The following CPD variants were observed in gnomAD, a reference collection of about 807,000 sequenced individuals.
CPD encodes carboxypeptidase D, also known as metallocarboxypeptidase D.
CPD carries 69 observed loss-of-function variants against 138.3 expected under a neutral mutation model. The ratio of observed to expected loss-of-function variants is 0.50; its 90% confidence interval spans 0.41 to 0.61. The LOEUF is 0.61. Among genes scored for constraint, CPD ranks in the 20% least tolerant of loss-of-function variants. The pLI is 0.00. For synonymous variants in CPD, 651 were observed against 642.1 expected (o/e 1.01, Z -0.21); for missense variants, 1,432 against 1,733.3 (o/e 0.83, Z 3.09).
At chr17:30,388,554 G>C (rs560242270) in intron 2 of CPD, among the ~76,000 whole-genome samples, 6 of 152,200 alleles carry the variant, frequency 3.9e-5, no homozygotes, top group Non-Finnish European at 8.8e-5. Context: ...CCCCAATCCC[G>C]GATAGGAGCA....
chr17:30,423,071 C>A (rs1362991555), intron 5 of CPD, 48 bp downstream of exon 5: 2 of 1,373,072 alleles, frequency 1.5e-6, no homozygotes, highest in East Asian at 4.6e-5. Context: ...CCCTCAAAGC[C>A]ATGTTCAATA....
chr17:30,386,556 A>T (rs1371597023), intron 2 of CPD, among the ~76,000 whole-genome samples: 3 of 152,142 alleles, frequency 2.0e-5, no homozygotes, highest in Non-Finnish European at 4.4e-5. Context: ...AAACTTGTTC[A>T]TCATCCCAAA....
chr17:30,451,910 A>T, intron 14 of CPD, 64 bp downstream of exon 14: 1 of 1,482,930 alleles, frequency 6.7e-7, no homozygotes, highest in Non-Finnish European at 9.2e-7. Flanking sequence ...TAGAAGATTG[A>T]TTGATCCTAT....
At chr17:30,413,915 G>C (rs1462656259) in intron 2 of CPD, among the ~76,000 whole-genome samples, 1 of 152,148 alleles carries the variant, frequency 6.6e-6, no homozygotes, top group South Asian at 2.1e-4. Flanking sequence ...GGTTGAGGGA[G>C]TTAGTCAAGT....
chr17:30,429,846 T>G (rs1912516172), intron 7 of CPD, among the ~76,000 whole-genome samples: 1 of 152,158 alleles, frequency 6.6e-6, no homozygotes, highest in African/African-American at 2.4e-5. Flanking sequence ...TACTAAGGTT[T>G]GTTTGTGTCA....
chr17:30,390,810 G>T (rs1911333824), intron 2 of CPD, among the ~76,000 whole-genome samples: 2 of 151,640 alleles, frequency 1.3e-5, no homozygotes, highest in Admixed American at 6.6e-5. Context: ...ACCTACTCTG[G>T]ACTTGTTCAT....
At chr17:30,444,499 A>T (rs1912974328) in intron 11 of CPD, among the ~76,000 whole-genome samples, 1 of 146,622 alleles carries the variant, frequency 6.8e-6, no homozygotes, top group Non-Finnish European at 1.5e-5. Flanking sequence ...AATGCAGTCT[A>T]TTTAACATGC....
At chr17:30,381,167 C>T (rs1213459546) in intron 1 of CPD, among the ~76,000 whole-genome samples, 5 of 151,900 alleles carry the variant, frequency 3.3e-5, no homozygotes, top group Non-Finnish European at 7.4e-5. Context: ...CTTTTAAATA[C>T]GATCGTGTCA....
rs1295579567 is a variant in CPD, at chr17:30,468,914, G to A, written c.*4100G>A. On this transcript the variant is annotated 3_prime_UTR_variant, in exon 21 of 21. Transcript: ENST00000225719. Reference sequence around the variant, plus strand: ...ATGTAGTAGCCACAGTTTTCTGTTTGTAGCTCAGCTAGATTGTTATATATG... The same window carrying A: ...ATGTAGTAGCCACAGTTTTCTGTTTATAGCTCAGCTAGATTGTTATATATG... 1.3e-5 allele frequency: 2 copies of A among 152,140 alleles called. No individual in the cohort carries two copies. The highest frequency in any genetic ancestry group is 2.9e-5 in the Non-Finnish European group (2 of 68,000). 9.4% of individuals were successfully genotyped at this position (152,140 alleles called of 1,614,324 possible). A position where few individuals can be genotyped will look rare whatever the true frequency, so the allele number is the denominator to read the frequency against.
intron 2 of CPD, among the ~76,000 whole-genome samples, chr17:30,408,270 G>C (rs1273861529): frequency 6.6e-6 from 1 of 152,120 alleles, no homozygotes; most frequent in Non-Finnish European, 1.5e-5. Context: ...TTTTTGCTTA[G>C]GATTGTCTTG....
intron 2 of CPD, among the ~76,000 whole-genome samples, chr17:30,404,569 A>G (rs994171062): frequency 1.3e-5 from 2 of 152,106 alleles, no homozygotes; most frequent in African/African-American, 2.4e-5. Context: ...TGAATACTAT[A>G]GCCCTCATCC....
intron 6 of CPD, among the ~76,000 whole-genome samples, chr17:30,426,697 A>C (rs376842761): frequency 6.6e-6 from 1 of 152,220 alleles, no homozygotes; most frequent in Admixed American, 6.5e-5. Flanking sequence ...TTACACATAC[A>C]TGTTAGCCAA....
Position 30,467,386 on chromosome 17 carries a change from T to G in CPD, c.*2572T>G, listed in dbSNP as rs1913672056. 1 of 152,304 alleles carries G rather than the reference T, an allele frequency of 6.6e-6. No individual in the cohort carries two copies. Among genetic ancestry groups the G allele is most frequent in the Admixed American group, 6.5e-5 (1 of 15,272 alleles). 9.4% of individuals were successfully genotyped at this position (152,304 alleles called of 1,614,324 possible). ...CCTGTGTACATGTACTTGTATTGAT[T>G]ATGTAGTTCAGTAAGATGTGCCCAA... On this transcript the variant is annotated 3_prime_UTR_variant, in exon 21 of 21. Transcript: ENST00000225719.
intron 17 of CPD, 154 bp downstream of exon 17, chr17:30,456,680 A>G (rs1244766266): frequency 1.6e-6 from 1 of 607,418 alleles, no homozygotes; most frequent in Non-Finnish European, 2.9e-6. Flanking sequence ...CATTTCTACT[A>G]AAAATATAAA....
chr17:30,449,603 A>G lies in CPD; in HGVS notation c.2924A>G (p.Asn975Ser), dbSNP rs768800865. ...CACATTTGGTCCCTTGAAATCTCCA[A>G]TAAGCCCAATGTATCTGAGCCTGAA... is the stretch of plus-strand genomic sequence containing the variant. The part of the protein sequence containing the change: ...YRHIWSLEIS[N>S]KPNVSEPEEP... Residue 975 changes from asparagine (N) to serine (S), a missense_variant, in exon 13 of 21, where the codon AAT becomes AGT. By Grantham distance (46) the Asn-to-Ser change is conservative. Transcript: ENST00000225719. 17 of 1,605,896 alleles carry G rather than the reference A, an allele frequency of 1.1e-5. No individual in the cohort carries two copies. Among genetic ancestry groups the G allele is most frequent in the South Asian group, 7.9e-5 (7 of 88,940 alleles).
At chr17:30,448,295 C>A (rs1913079104) in intron 12 of CPD, among the ~76,000 whole-genome samples, 1 of 152,062 alleles carries the variant, frequency 6.6e-6, no homozygotes, top group Non-Finnish European at 1.5e-5. Flanking sequence ...GCCAGGAGCT[C>A]CAGTTTACGT....
chr17:30,423,115 TTTG>T, intron 5 of CPD, 92 bp downstream of exon 5: 2 of 939,084 alleles, frequency 2.1e-6, no homozygotes, highest in East Asian at 5.2e-5. Context: ...TCGCCTACAG[TTTG>T]TATAACTGGC....
intron 2 of CPD, among the ~76,000 whole-genome samples, chr17:30,388,058 C>T (rs1430711199): frequency 2.0e-5 from 3 of 152,332 alleles, no homozygotes; most frequent in East Asian, 3.9e-4. Flanking sequence ...GCAGGTCATC[C>T]TGATGAGTGT....
chr17:30,407,445 T>C (rs1237563424), intron 2 of CPD, among the ~76,000 whole-genome samples: 1 of 152,110 alleles, frequency 6.6e-6, no homozygotes, highest in African/African-American at 2.4e-5. Flanking sequence ...GTGTAAAAGC[T>C]TTCCAGTTTC....
Sources: gnomAD v4.1 joint callset for allele counts (sites outside exome capture counted in the v4.1 genomes callset) on GRCh38, gnomAD v4.1.1 for gene constraint, MANE v1.5 for transcripts, NCBI Gene and HGNC (gene_info 2026-07-23, HGNC 2026-07-21) for gene names.